Variants in ITGA4 observed in about 807,000 individuals in gnomAD.
The protein encoded by ITGA4 is integrin subunit alpha 4, also known as integrin alpha-4.
Under a neutral mutation model 133.6 loss-of-function variants are expected in ITGA4, and 63 were observed. The ratio of observed to expected loss-of-function variants is 0.47; its 90% CI spans 0.38 to 0.58. The LOEUF is 0.58. Among genes scored for constraint, ITGA4 ranks in the 20% least tolerant of loss-of-function variants. The probability of loss-of-function intolerance (pLI) is 0.00; values close to 1 mark genes in which losing one functional copy is unlikely to be tolerated. For missense variants in ITGA4, 1,076 were observed against 1,252.7 expected, an observed-to-expected ratio of 0.86 and a Z score of 2.13; for synonymous variants, 483 against 438.0, an observed-to-expected ratio of 1.10 and a Z score of -1.28.
intron 5 of ITGA4, chr2:181,479,535 A>T (rs1163708234): frequency 1.3e-5 from 2 of 151,986 alleles, no homozygotes; most frequent in Admixed American, 1.3e-4. Flanking sequence ...AGGAGTATAG[A>T]AATATGCTAA....
rs1037623 is a variant in ITGA4, at chr2:181,537,304, C to T, written c.*1777C>T. 1 allele frequency: 452,487 copies of T among 453,948 alleles called. 225,533 individuals carry two copies. Among genetic ancestry groups the T allele is most frequent in the Non-Finnish European group, 1 (226,711 of 226,746 alleles). 28.1% of individuals were successfully genotyped at this position (453,948 alleles called of 1,614,324 possible). A position where few individuals can be genotyped will look rare whatever the true frequency, so the allele number is the denominator to read the frequency against. ...GAAACAACTATATATTTCAGGTTATCTGAGCACAGTGAAAGCAGAGTACTA... is the reference window on the plus strand; with the variant it reads ...GAAACAACTATATATTTCAGGTTATTTGAGCACAGTGAAAGCAGAGTACTA... On this transcript the variant is annotated 3_prime_UTR_variant, in exon 28 of 28. Transcript: ENST00000397033.
chr2:181,471,281 C>T (rs1685543971), intron 2 of ITGA4, among the ~76,000 whole-genome samples: 2 of 152,128 alleles, frequency 1.3e-5, no homozygotes, highest in South Asian at 4.1e-4. Flanking sequence ...CTTTCCATTT[C>T]AGCACCCATT....
chr2:181,480,997 G>C (rs1479742339), intron 6 of ITGA4, among the ~76,000 whole-genome samples: 1 of 152,058 alleles, frequency 6.6e-6, no homozygotes, highest in East Asian at 1.9e-4. Context: ...TGTCAAATGT[G>C]AGCATCTTAC....
chr2:181,533,528 A>G (rs990487852), intron 25 of ITGA4, among the ~76,000 whole-genome samples: 1 of 152,050 alleles, frequency 6.6e-6, no homozygotes, highest in Non-Finnish European at 1.5e-5. Flanking sequence ...TATCATCCTC[A>G]GCCTCTATAC....
chr2:181,470,056 A>C (rs552158340), intron 2 of ITGA4, among the ~76,000 whole-genome samples: 1 of 152,218 alleles, frequency 6.6e-6, no homozygotes, highest in South Asian at 2.1e-4. Context: ...CTGGAACTTA[A>C]AGTATAATAA....
Position 181,495,548 on chromosome 2 carries a change from T to C in ITGA4, c.1385+132T>C, listed in dbSNP as rs1006439877. On this transcript the variant is annotated intron_variant, in intron 13 of 27. Transcript: ENST00000397033. The surrounding 1 kb of genome is among the most constrained non-coding windows in gnomAD (Gnocchi z 4.3). ...GGTATTCTGAAGCTTAATTATTGAT[T>C]TTTAGGGTATTTTTTTCACCTTACA... 2.7e-6 allele frequency: 2 copies of C among 751,794 alleles called. No individual in the cohort carries two copies. The highest frequency in any genetic ancestry group is 2.4e-5 in the Admixed American group (1 of 41,530). 46.6% of individuals were successfully genotyped at this position (751,794 alleles called of 1,614,324 possible). A position where few individuals can be genotyped will look rare whatever the true frequency, so the allele number is the denominator to read the frequency against.
At position 181,458,331 on chromosome 2, in the gene ITGA4, G is replaced by A. The variant is rs757786969; in HGVS notation, c.319+14G>A. 1 of 1,608,028 alleles carries A rather than the reference G, an allele frequency of 6.2e-7. No individual in the cohort carries two copies. Among genetic ancestry groups the A allele is most frequent in the Admixed American group, 1.7e-5 (1 of 59,222 alleles). On this transcript the variant is annotated intron_variant, in intron 2 of 27. Transcript: ENST00000397033. ...AGCTCCAGCTGGGTGAGTTGGGTATGGGACCAGGAGTTAGTGACCTCCCGA... is the reference window on the plus strand; with the variant it reads ...AGCTCCAGCTGGGTGAGTTGGGTATAGGACCAGGAGTTAGTGACCTCCCGA...
chr2:181,494,603 G>C, intron 11 of ITGA4, 119 bp from the exon 12 acceptor site: 1 of 666,488 alleles, frequency 1.5e-6, no homozygotes, highest in South Asian at 1.8e-5. Context: ...CTAAAATGCA[G>C]CTTTGTTAGT....
At chr2:181,480,705 G>T (rs1008069731) in intron 6 of ITGA4, among the ~76,000 whole-genome samples, 3 of 152,104 alleles carry the variant, frequency 2.0e-5, no homozygotes, top group Non-Finnish European at 4.4e-5. Flanking sequence ...AAAGCCAGTG[G>T]TACTGTCCAC....
intron 8 of ITGA4, 24 bp from the exon 9 acceptor site, chr2:181,482,490 T>C: frequency 6.2e-7 from 1 of 1,613,626 alleles, no homozygotes; most frequent in South Asian, 1.1e-5. Flanking sequence ...TCTCAATGAG[T>C]GGATCTGGTT....
intron 24 of ITGA4, among the ~76,000 whole-genome samples, chr2:181,530,928 A>G (rs1574415019): frequency 6.6e-6 from 1 of 152,052 alleles, no homozygotes; most frequent in Admixed American, 6.5e-5. Flanking sequence ...GGAGTTCGAG[A>G]CCAGCCTGGC....
chr2:181,490,515 GTGTGTGTGTGTC>G (rs1292196421), intron 10 of ITGA4, among the ~76,000 whole-genome samples: 1 of 131,770 alleles, frequency 7.6e-6, no homozygotes, highest in Non-Finnish European at 1.8e-5. Context: ...GTGTGTGTGT[GTGTGTGTGTGTC>G]TGTGTGTGTG....
chr2:181,515,432 T>C (rs866565546), intron 17 of ITGA4, among the ~76,000 whole-genome samples: 1 of 152,086 alleles, frequency 6.6e-6, no homozygotes, highest in East Asian at 1.9e-4. Context: ...GGAATTTCTA[T>C]AGATAAGCTT....
At chr2:181,500,342 G>A (rs767222130) in intron 15 of ITGA4, among the ~76,000 whole-genome samples, 7 of 152,130 alleles carry the variant, frequency 4.6e-5, no homozygotes, top group Non-Finnish European at 8.8e-5. Context: ...TTCTGTCAAG[G>A]AGCTGTAGCT....
intron 2 of ITGA4, among the ~76,000 whole-genome samples, chr2:181,469,988 A>G (rs1264477022): frequency 1.3e-5 from 2 of 152,084 alleles, no homozygotes; most frequent in African/African-American, 4.8e-5. Context: ...TGGGTACAGG[A>G]CACCAACATG....
rs764734185 is a variant in ITGA4 at position 181,529,680 on chromosome 2, TTGTG to T, written c.2538+36_2538+39del. On this transcript the variant is annotated intron_variant, in intron 23 of 27. Transcript: ENST00000397033. ...ATGTATTTCTTCCATCTAACCTTTA[TTGTG>T]TGTCTTAAATACTAAAATAAATGCA... 4 of 1,091,070 alleles carry T rather than the reference TTGTG, an allele frequency of 3.7e-6. No individual in the cohort carries two copies. The African/African-American group carries it at 6.2e-5, about 17-fold the overall frequency. The allele number at this position is 1,091,070 out of a possible 1,614,324, so 67.6% of individuals were successfully genotyped here. A position where few individuals can be genotyped will look rare whatever the true frequency, so the allele number is the denominator to read the frequency against.
At chr2:181,461,764 T>C (rs1466979666) in intron 2 of ITGA4, among the ~76,000 whole-genome samples, 1 of 152,202 alleles carries the variant, frequency 6.6e-6, no homozygotes, top group Non-Finnish European at 1.5e-5. Context: ...ACACTAACTC[T>C]CATTTGGGTA....
At chr2:181,525,514 G>A (rs1457747315) in intron 21 of ITGA4, among the ~76,000 whole-genome samples, 1 of 152,144 alleles carries the variant, frequency 6.6e-6, no homozygotes, top group Non-Finnish European at 1.5e-5. Flanking sequence ...CCCAGCTGGA[G>A]GAGATTTCTT....
intron 10 of ITGA4, among the ~76,000 whole-genome samples, chr2:181,488,813 C>T (rs894762898): frequency 1.3e-5 from 2 of 152,114 alleles, no homozygotes; most frequent in African/African-American, 4.8e-5. Flanking sequence ...CCGCCTTGGC[C>T]TCCAAAAATG....
Sources: gnomAD v4.1 joint callset for allele counts (sites outside exome capture counted in the v4.1 genomes callset) on GRCh38, gnomAD v4.1.1 for gene constraint, Gnocchi (gnomAD v3.1) non-coding constraint, MANE v1.5 for transcripts, NCBI Gene and HGNC (gene_info 2026-07-23, HGNC 2026-07-21) for gene names.